The following ASTN2 variants were observed in gnomAD, a reference collection of about 807,000 sequenced individuals.
The protein encoded by ASTN2 is astrotactin 2.
ASTN2 carries 54 observed loss-of-function variants against 139.8 expected under a neutral mutation model. The ratio of observed to expected loss-of-function variants is 0.39; its 90% CI spans 0.31 to 0.48. The LOEUF is 0.48. Ranked by LOEUF, ASTN2 falls within the 20% of genes least tolerant of loss-of-function variation. The pLI is 0.95. For synonymous variants in ASTN2, 756 were observed against 719.5 expected, an observed-to-expected ratio of 1.05 and a Z score of -0.81; for missense variants, 1,565 against 1,725.1, an observed-to-expected ratio of 0.91 and a Z score of 1.64.
intron 6 of ASTN2, among the ~76,000 whole-genome samples, chr9:117,038,359 A>G (rs898246040): frequency 6.6e-6 from 1 of 152,222 alleles, no homozygotes; most frequent in African/African-American, 2.4e-5. Context: ...GCTACAAGTC[A>G]GAAAGTTTAT....
chr9:117,238,034 A>G (rs570617112), intron 2 of ASTN2, among the ~76,000 whole-genome samples: 1 of 152,296 alleles, frequency 6.6e-6, no homozygotes, highest in African/African-American at 2.4e-5. Flanking sequence ...AAGGTGACAC[A>G]AGTGATGCTG....
At chr9:116,610,188 A>ATATAAATAT (rs1855462819) in intron 19 of ASTN2, among the ~76,000 whole-genome samples, 3 of 152,216 alleles carry the variant, frequency 2.0e-5, no homozygotes, top group African/African-American at 7.2e-5. Context: ...AATGGTCTAA[A>ATATAAATAT]CACCCCAACT....
At chr9:116,710,701 C>A (rs969766068) in intron 16 of ASTN2, among the ~76,000 whole-genome samples, 1 of 141,786 alleles carries the variant, frequency 7.1e-6, no homozygotes, top group Non-Finnish European at 1.5e-5. Flanking sequence ...CCATTGCACT[C>A]CAGCCTGGGC....
At chr9:116,597,257 G>C (rs1854623926) in intron 19 of ASTN2, among the ~76,000 whole-genome samples, 1 of 148,128 alleles carries the variant, frequency 6.8e-6, no homozygotes, top group Non-Finnish European at 1.5e-5. Flanking sequence ...AAACTTGAAT[G>C]GTCAATGCTG....
intron 19 of ASTN2, among the ~76,000 whole-genome samples, chr9:116,572,435 A>C (rs1853557713): frequency 6.6e-6 from 1 of 152,178 alleles, no homozygotes; most frequent in Non-Finnish European, 1.5e-5. Flanking sequence ...AGCCTTCTTA[A>C]TAAGGGACTT....
chr9:117,385,786 C>G (rs947764919), intron 1 of ASTN2, among the ~76,000 whole-genome samples: 1 of 150,864 alleles, frequency 6.6e-6, no homozygotes, highest in African/African-American at 2.4e-5. Flanking sequence ...TAAAAAGGGA[C>G]AAAAAGGAAA....
chr9:116,563,151 G>T (rs1035930065), intron 19 of ASTN2, among the ~76,000 whole-genome samples: 3 of 151,960 alleles, frequency 2.0e-5, no homozygotes, highest in African/African-American at 4.8e-5. Flanking sequence ...CGAGGTGGGC[G>T]GATCATAAGG....
intron 4 of ASTN2, among the ~76,000 whole-genome samples, chr9:117,120,218 C>T (rs1027779432): frequency 4.0e-5 from 6 of 151,632 alleles, no homozygotes; most frequent in Non-Finnish European, 5.9e-5. Context: ...TGGAAACTCA[C>T]CTTCCCACAC....
intron 5 of ASTN2, among the ~76,000 whole-genome samples, chr9:117,074,456 CA>C (rs774398399): frequency 6.6e-5 from 10 of 152,170 alleles, no homozygotes; most frequent in Non-Finnish European, 1.2e-4. Flanking sequence ...AGAGCTGAGT[CA>C]ACATGATACT....
intron 10 of ASTN2, among the ~76,000 whole-genome samples, 185 bp from the exon 11 acceptor site, chr9:116,863,918 T>C (rs1832957196): frequency 6.6e-6 from 1 of 152,186 alleles, no homozygotes. Context: ...CTTGTCAAGT[T>C]GTGATACAGA....
chr9:116,589,060 A>G (rs1854273336), intron 19 of ASTN2, among the ~76,000 whole-genome samples: 1 of 152,198 alleles, frequency 6.6e-6, no homozygotes, highest in South Asian at 2.1e-4. Flanking sequence ...TCAGTGTTTA[A>G]TATGTCCAAC....
intron 11 of ASTN2, among the ~76,000 whole-genome samples, chr9:116,835,321 A>G (rs1045210286): frequency 5.3e-5 from 8 of 150,704 alleles, no homozygotes; most frequent in Non-Finnish European, 1.2e-4. Context: ...CAAGGAAGAA[A>G]AGGCAAAATA....
At position 117,187,537 on chromosome 9, in the gene ASTN2, G is replaced by T. The variant is rs148308573; in HGVS notation, c.1015+26821C>A. On this transcript the variant is annotated intron_variant, in intron 3 of 22. Coordinates refer to ENST00000313400, the MANE Select transcript of ASTN2 (RefSeq NM_001365068.1). Reference sequence around the variant, plus strand: ...CTCATTAATAGGTTAATCCACTCATGCATTAAAGGACTAATAGATTAATGG... The same window carrying T: ...CTCATTAATAGGTTAATCCACTCATTCATTAAAGGACTAATAGATTAATGG... Among the ~76,000 whole-genome samples the T allele has an allele frequency of 2.0e-3, 301 of 152,288 alleles. 3 individuals are homozygous for T. Among genetic ancestry groups the T allele is most frequent in the African/African-American group, 7.0e-3 (292 of 41,556 alleles).
intron 20 of ASTN2, among the ~76,000 whole-genome samples, chr9:116,471,796 GA>G (rs1848822212): frequency 6.6e-6 from 1 of 152,188 alleles, no homozygotes; most frequent in Admixed American, 6.5e-5. Flanking sequence ...GATGCAGGAA[GA>G]GGCTTGGTCT....
At chr9:117,223,518 G>A (rs538055088) in intron 2 of ASTN2, among the ~76,000 whole-genome samples, 3 of 152,186 alleles carry the variant, frequency 2.0e-5, no homozygotes, top group East Asian at 3.9e-4. Flanking sequence ...TGGGGAAGGG[G>A]GTGTCAACAA....
chr9:116,833,477 A>G (rs1470044750), intron 11 of ASTN2, among the ~76,000 whole-genome samples: 1 of 138,684 alleles, frequency 7.2e-6, no homozygotes. Flanking sequence ...AGCCTAGATT[A>G]TTGATTTGTA....
At chr9:117,188,023 G>A (rs1164961036) in intron 3 of ASTN2, among the ~76,000 whole-genome samples, 1 of 152,090 alleles carries the variant, frequency 6.6e-6, no homozygotes, top group Non-Finnish European at 1.5e-5. Context: ...GTAATTATTT[G>A]CTGGGGTTGG....
At chr9:116,669,353 T>G (rs760437557) in intron 16 of ASTN2, among the ~76,000 whole-genome samples, 1 of 152,188 alleles carries the variant, frequency 6.6e-6, no homozygotes, top group Non-Finnish European at 1.5e-5. Context: ...ATGCTGCTGC[T>G]CTACACTTCA....
intron 13 of ASTN2, among the ~76,000 whole-genome samples, chr9:116,774,319 G>A (rs1235447849): frequency 2.0e-5 from 3 of 152,136 alleles, no homozygotes; most frequent in Non-Finnish European, 4.4e-5. Flanking sequence ...TCTGTATCTC[G>A]TGCTTTCTAT....
Sources: gnomAD v4.1 joint callset for allele counts (sites outside exome capture counted in the v4.1 genomes callset) on GRCh38, gnomAD v4.1.1 for gene constraint, MANE v1.5 for transcripts, NCBI Gene and HGNC (gene_info 2026-07-23, HGNC 2026-07-21) for gene names.